The following RC3H1 variants were observed in gnomAD, a reference collection of about 807,000 sequenced individuals.
RC3H1 encodes roquin-1.
Under a neutral mutation model 138.2 loss-of-function variants are expected in RC3H1, and 50 were observed. The observed-to-expected ratio is 0.36, with a 90% CI of 0.29 to 0.46. The LOEUF (loss-of-function observed/expected upper bound fraction) is 0.46, where lower values mean the gene tolerates loss of function less well. Ranked by LOEUF, RC3H1 falls within the 20% of genes least tolerant of loss-of-function variation. The probability of loss-of-function intolerance (pLI) is 1.00; values close to 1 mark genes in which losing one functional copy is unlikely to be tolerated. For synonymous variants in RC3H1, 462 were observed against 489.1 expected, an observed-to-expected ratio of 0.94 and a Z score of 0.73; for missense variants, 1,031 against 1,388.1, an observed-to-expected ratio of 0.74 and a Z score of 4.09.
chr1:173,942,226 T>C (rs1658904062), intron 18 of RC3H1, among the ~76,000 whole-genome samples: 1 of 142,334 alleles, frequency 7.0e-6, no homozygotes, highest in South Asian at 2.2e-4. Flanking sequence ...TGGGCAATAG[T>C]GCGAGACTCC....
chr1:173,992,411 G>A (rs1661329096), intron 2 of RC3H1, among the ~76,000 whole-genome samples: 1 of 151,966 alleles, frequency 6.6e-6, no homozygotes, highest in Admixed American at 6.6e-5. Flanking sequence ...CCCTCCCAAA[G>A]TGCTGGGATT....
At chr1:173,950,931 G>A (rs548613718) in intron 14 of RC3H1, among the ~76,000 whole-genome samples, 1 of 152,096 alleles carries the variant, frequency 6.6e-6, no homozygotes, top group African/African-American at 2.4e-5. Flanking sequence ...AGGTACTCAG[G>A]AGGATCACCT....
In RC3H1 at chr1:173,946,756, A is replaced by G; in HGVS notation, c.2818T>C (p.Phe940Leu). The G allele has an allele frequency of 6.2e-7, 1 of 1,613,166 alleles. No individual in the cohort carries two copies. The highest frequency in any genetic ancestry group is 8.5e-7 in the Non-Finnish European group (1 of 1,179,124). Reference sequence around the variant, plus strand: ...AAGAATGACTCATACCTCTCACTGAAGTGTCCCTGAGAAGGTATGTTTTGA... The same window carrying G: ...AAGAATGACTCATACCTCTCACTGAGGTGTCCCTGAGAAGGTATGTTTTGA... Reference protein sequence around the residue: ...PHQNIPSQGHFSERERISMSE... With the variant: ...PHQNIPSQGHLSERERISMSE... The change falls in exon 16 of 20, where the codon TTC (phenylalanine) becomes CTC (leucine). Residue 940 changes from phenylalanine to leucine, a missense_variant. Physicochemically the swap from Phe to Leu is conservative, Grantham distance 22 (BLOSUM62 0). Transcript: ENST00000367696.
chr1:173,977,256 A>G (rs1452096818), intron 7 of RC3H1, among the ~76,000 whole-genome samples: 1 of 152,130 alleles, frequency 6.6e-6, no homozygotes, highest in Non-Finnish European at 1.5e-5. Flanking sequence ...CAGTAAGTAG[A>G]CTGGATTGGA....
intron 7 of RC3H1, among the ~76,000 whole-genome samples, chr1:173,974,226 G>A (rs574834356): frequency 1.4e-5 from 2 of 138,536 alleles, no homozygotes; most frequent in Admixed American, 7.9e-5. Context: ...GTTGCAGTGA[G>A]CTGAGATTGC....
intron 13 of RC3H1, among the ~76,000 whole-genome samples, chr1:173,956,361 G>A (rs1659647341): frequency 6.6e-6 from 1 of 152,010 alleles, no homozygotes; most frequent in African/African-American, 2.4e-5. Context: ...GAGATGATAT[G>A]CTAATTACCC....
rs764177360 is a variant in RC3H1, at chr1:173,980,982, A to G, written c.796T>C (p.Leu266=). 1.5e-5 allele frequency: 25 copies of G among 1,613,840 alleles called. No individual in the cohort carries two copies. Among genetic ancestry groups the G allele is most frequent in the Non-Finnish European group, 2.0e-5 (24 of 1,179,864 alleles). Residue 266 remains leucine, a synonymous_variant, in exon 6 of 20, where the codon TTG becomes CTG. Transcript: ENST00000367696. The part of the protein sequence containing the change: ...KVTKRDEDSS[L]MQLKEEFRTY... ...CTAAATTCTTCTTTCAGCTGCATCA[A>G]AGAAGAGTCTTCATCACGTTTGGTG... is the stretch of plus-strand genomic sequence containing the variant.
At chr1:173,998,093 A>C (rs1301016268) in intron 1 of RC3H1, among the ~76,000 whole-genome samples, 1 of 152,174 alleles carries the variant, frequency 6.6e-6, no homozygotes, top group Non-Finnish European at 1.5e-5. Flanking sequence ...ATATACCAAC[A>C]TCCAGATTTT....
In RC3H1 at chr1:173,993,049, G is replaced by T; in HGVS notation, c.-64C>A. ...ACAAATCTAAAGCAAAGATTCCACT[G>T]GAATCAAAATCTTTGAAAAAAAGTT... On this transcript the variant is annotated 5_prime_UTR_variant, in exon 2 of 20. Transcript: ENST00000367696. 8.3e-6 allele frequency: 10 copies of T among 1,205,648 alleles called. No individual in the cohort carries two copies. Among genetic ancestry groups the T allele is most frequent in the South Asian group, 4.0e-5 (3 of 75,178 alleles). The allele number at this position is 1,205,648 out of a possible 1,614,324, so 74.7% of individuals were successfully genotyped here.
chr1:173,981,746 T>C (rs1419971895), intron 5 of RC3H1, among the ~76,000 whole-genome samples: 1 of 151,932 alleles, frequency 6.6e-6, no homozygotes, highest in Non-Finnish European at 1.5e-5. Context: ...TACCAGAAAG[T>C]GTAAAGTGTG....
Position 173,944,474 on chromosome 1 carries a change from G to A in RC3H1, c.2962-859C>T, listed in dbSNP as rs550988644. Among the ~76,000 whole-genome samples, 13 of 152,270 alleles carry A rather than the reference G, an allele frequency of 8.5e-5. 1 individual carries two copies. In the South Asian group the frequency reaches 2.5e-3, roughly 29 times the overall value. ...AGGAGATATACCTAATGTAAATGAC[G>A]AGTTAATGGGTGCAGCACACCAACA... On this transcript the variant is annotated intron_variant, in intron 17 of 19. Coordinates refer to ENST00000367696, the MANE Select transcript of RC3H1 (RefSeq NM_172071.4).
At chr1:173,952,371 T>TG (rs1202774386) in intron 13 of RC3H1, among the ~76,000 whole-genome samples, 8 of 139,678 alleles carry the variant, frequency 5.7e-5, no homozygotes, top group African/African-American at 8.8e-5. Context: ...GGTTTTTTTT[T>TG]TTTGTTTTTT....
At chr1:173,982,966 G>A (rs1660882799) in intron 4 of RC3H1, 64 bp from the exon 5 acceptor site, 2 of 1,384,674 alleles carry the variant, frequency 1.4e-6, no homozygotes, top group Non-Finnish European at 2.0e-6. Flanking sequence ...CCATTTATTA[G>A]AAGGGGAATA....
At chr1:173,939,771 G>C (rs766343821) in intron 19 of RC3H1, among the ~76,000 whole-genome samples, 1 of 151,582 alleles carries the variant, frequency 6.6e-6, no homozygotes, top group African/African-American at 2.4e-5. Flanking sequence ...GGAGGCGGAA[G>C]TTGCAGTGAG....
At chr1:174,006,800 AT>A (rs1661659935) in intron 1 of RC3H1, among the ~76,000 whole-genome samples, 1 of 152,190 alleles carries the variant, frequency 6.6e-6, no homozygotes, top group African/African-American at 2.4e-5. Flanking sequence ...TGTCTTGAAG[AT>A]TTTATTAAAA....
intron 18 of RC3H1, among the ~76,000 whole-genome samples, chr1:173,942,164 C>T (rs1658900631): frequency 6.6e-6 from 1 of 151,392 alleles, no homozygotes; most frequent in African/African-American, 2.4e-5. Context: ...ATCACTTGAA[C>T]CCAGGAGGCA....
chr1:174,020,788 G>A (rs138089079), intron 1 of RC3H1, among the ~76,000 whole-genome samples: 6,614 of 152,192 alleles, frequency 0.043, 495 homozygotes, highest in African/African-American at 0.15. Flanking sequence ...GAGGGCAGAT[G>A]ACTTGAGGTC....
chr1:173,941,227 G>A (rs536410797), intron 19 of RC3H1, 38 bp downstream of exon 19: 1 of 1,201,518 alleles, frequency 8.3e-7, no homozygotes, highest in African/African-American at 1.5e-5. Context: ...TCTTTTGTGT[G>A]TAATTTAATA....
rs927417094 is a variant in RC3H1 at position 173,932,758 on chromosome 1, C to G, written c.*5963G>C. ...AGATATTATAAGAATGACAGCCAAT[C>G]AATGGAGAAAGATTACACAAATAAA... is the stretch of plus-strand genomic sequence containing the variant. On this transcript the variant is annotated 3_prime_UTR_variant, in exon 20 of 20. Coordinates refer to ENST00000367696, the MANE Select transcript of RC3H1 (RefSeq NM_172071.4). The G allele has an allele frequency of 6.6e-6, 1 of 151,700 alleles. No individual in the cohort carries two copies. Among genetic ancestry groups the G allele is most frequent in the African/African-American group, 2.4e-5 (1 of 41,316 alleles). 9.4% of individuals were successfully genotyped at this position (151,700 alleles called of 1,614,324 possible).
Sources: allele counts gnomAD v4.1 joint callset (sites outside exome capture counted in the v4.1 genomes callset), GRCh38; gene constraint gnomAD v4.1.1; transcripts MANE v1.5; gene names NCBI Gene and HGNC (gene_info 2026-07-23, HGNC 2026-07-21).